The following SCAPER variants were observed in gnomAD, a reference collection of about 807,000 sequenced individuals.
SCAPER encodes the protein S phase cyclin A-associated protein in the endoplasmic reticulum.
In SCAPER, 98 loss-of-function variants were observed where a neutral mutation model predicts 182.2. The observed-to-expected ratio is 0.54, with a 90% CI of 0.46 to 0.64. The LOEUF (loss-of-function observed/expected upper bound fraction) is 0.64, where lower values mean the gene tolerates loss of function less well. Ranked by LOEUF, SCAPER falls within the 30% of genes least tolerant of loss-of-function variation. The pLI, the probability that SCAPER is intolerant of heterozygous loss-of-function variation, is 0.00. For missense variants in SCAPER, 1,432 were observed against 1,690.0 expected (o/e 0.85, Z 2.68); for synonymous variants, 605 against 564.6 (o/e 1.07, Z -1.01).
At chr15:76,565,821 AC>A (rs1168846086) in intron 23 of SCAPER, among the ~76,000 whole-genome samples, 1 of 152,124 alleles carries the variant, frequency 6.6e-6, no homozygotes, top group African/African-American at 2.4e-5. Context: ...TAGCTGAAAA[AC>A]GTCTGAAAAA....
At chr15:76,612,138 T>C (rs2051054244) in intron 22 of SCAPER, among the ~76,000 whole-genome samples, 1 of 152,260 alleles carries the variant, frequency 6.6e-6, no homozygotes, top group African/African-American at 2.4e-5. Context: ...CAAACAGGAA[T>C]AGAGGAGAAA....
At chr15:76,673,103 A>G (rs1354968950) in intron 20 of SCAPER, among the ~76,000 whole-genome samples, 2 of 152,176 alleles carry the variant, frequency 1.3e-5, no homozygotes, top group Admixed American at 1.3e-4. Flanking sequence ...AAGATTTTCT[A>G]TCTAGTAAAA....
At chr15:76,757,007 A>G (rs2062474918) in intron 14 of SCAPER, among the ~76,000 whole-genome samples, 1 of 9,838 alleles carries the variant, frequency 1.0e-4, no homozygotes, top group Non-Finnish European at 4.5e-4. Flanking sequence ...TGTAAATATA[A>G]TTAGTGCCCC....
rs561412995 is a variant in SCAPER, at chr15:76,712,175, C to A, written c.2166-6191G>T. ...ACATATGGCTAGACAGTTTTCCCAG[C>A]ACCTTTTATTAAATAGGGAATCCTT... On this transcript the variant is annotated intron_variant, in intron 17 of 31. Coordinates refer to ENST00000563290, the MANE Select transcript of SCAPER (RefSeq NM_020843.4). Among the ~76,000 whole-genome samples, 18 of 152,312 alleles carry A rather than the reference C, an allele frequency of 1.2e-4. No homozygotes were observed. The South Asian group carries it at 3.7e-3, about 32-fold the overall frequency.
At position 76,841,724 on chromosome 15, in the gene SCAPER, C is replaced by A. The variant is rs757722500; in HGVS notation, c.393+10G>T. The A allele has an allele frequency of 6.2e-7, 1 of 1,613,192 alleles. No individual in the cohort carries two copies. The highest frequency in any genetic ancestry group is 2.2e-5 in the East Asian group (1 of 44,858). ...TCAAATGGATTACAAGGCCTCAAAG[C>A]AAACCTTACCTTACATTCGACCACA... is the stretch of plus-strand genomic sequence containing the variant. On this transcript the variant is annotated intron_variant, in intron 5 of 31. Transcript: ENST00000563290.
chr15:76,373,620 C>A (rs1000124346), intron 29 of SCAPER, among the ~76,000 whole-genome samples: 1 of 152,160 alleles, frequency 6.6e-6, no homozygotes, highest in African/African-American at 2.4e-5. Flanking sequence ...AAGCTGCCAT[C>A]TACTCCCCTG....
intron 2 of SCAPER, among the ~76,000 whole-genome samples, chr15:76,863,041 A>C (rs1373700495): frequency 6.6e-6 from 1 of 152,152 alleles, no homozygotes; most frequent in African/African-American, 2.4e-5. Context: ...TTAACAGGTA[A>C]ATTTAAATTG....
At chr15:76,352,407 A>G (rs1354474885) in intron 30 of SCAPER, among the ~76,000 whole-genome samples, 1 of 151,928 alleles carries the variant, frequency 6.6e-6, no homozygotes, top group Non-Finnish European at 1.5e-5. Flanking sequence ...CTCAAAAATT[A>G]CCTGTTCAAT....
intron 10 of SCAPER, among the ~76,000 whole-genome samples, chr15:76,768,645 T>A (rs2063253531): frequency 2.0e-5 from 3 of 152,072 alleles, no homozygotes; most frequent in African/African-American, 7.2e-5. Flanking sequence ...TTCAAACAGA[T>A]GGATTGTATT....
Position 76,765,626 on chromosome 15 carries a change from T to A in SCAPER, c.1432A>T (p.Ser478Cys). 6.3e-7 allele frequency: 1 copy of A among 1,578,790 alleles called. No individual in the cohort carries two copies. The stretch of plus-strand genomic sequence containing the variant: ...ATACCACAGAAAGAAACACTCCCAC[T>A]GCCCATGCTGGCCTAAAATGTAATA... ...NDSDFSASMG[S>C]GSVSFCGMSM... is the part of the protein sequence containing the mutation. The change falls in exon 12 of 32, where the codon AGT becomes TGT. Residue 478 changes from serine (S) to cysteine (C), a missense_variant. Ser to Cys is a moderately radical substitution (Grantham distance 112). Transcript: ENST00000563290.
chr15:76,495,526 C>T (rs978189269), intron 24 of SCAPER, among the ~76,000 whole-genome samples: 23 of 134,968 alleles, frequency 1.7e-4, no homozygotes, highest in Non-Finnish European at 2.3e-4. Context: ...TGCAGTGAGC[C>T]GAGATTGTGC....
intron 2 of SCAPER, among the ~76,000 whole-genome samples, chr15:76,873,331 AAGGCAGGCAGGCAGGC>A (rs56176862): frequency 0.029 from 2,389 of 83,570 alleles, 65 homozygotes; most frequent in Admixed American, 0.048. Context: ...GGAAGGAAGG[AAGGCAGGCAGGCAGGC>A]AGGCAGGCAG....
intron 2 of SCAPER, among the ~76,000 whole-genome samples, chr15:76,875,975 G>A (rs910754492): frequency 5.9e-5 from 9 of 152,102 alleles, no homozygotes; most frequent in Admixed American, 2.0e-4. Context: ...GCCCTGCCCC[G>A]CTGGGAGGCA....
At chr15:76,482,312 G>A (rs1263019821) in intron 24 of SCAPER, among the ~76,000 whole-genome samples, 2 of 151,970 alleles carry the variant, frequency 1.3e-5, no homozygotes, top group Non-Finnish European at 1.5e-5. Context: ...AACATAATGG[G>A]TTCCCTGTCA....
At chr15:76,375,901 C>T (rs745528725) in intron 29 of SCAPER, among the ~76,000 whole-genome samples, 96 of 152,200 alleles carry the variant, frequency 6.3e-4, no homozygotes, top group Non-Finnish European at 7.9e-4. Flanking sequence ...ATGAGAATCG[C>T]TTGAACCTGG....
intron 8 of SCAPER, among the ~76,000 whole-genome samples, chr15:76,786,013 C>T (rs529897682): frequency 3.7e-4 from 56 of 152,108 alleles, no homozygotes; most frequent in African/African-American, 1.3e-3. Flanking sequence ...TACCCTAGAA[C>T]TAAAAGTATA....
At chr15:76,508,723 G>A (rs1806819126) in intron 23 of SCAPER, among the ~76,000 whole-genome samples, 1 of 151,992 alleles carries the variant, frequency 6.6e-6, no homozygotes, top group Non-Finnish European at 1.5e-5. Flanking sequence ...CTTATAATAG[G>A]GTGAAAGGCT....
intron 15 of SCAPER, among the ~76,000 whole-genome samples, chr15:76,733,897 G>A (rs2061076064): frequency 6.6e-6 from 1 of 152,048 alleles, no homozygotes; most frequent in African/African-American, 2.4e-5. Flanking sequence ...TAATAATCCA[G>A]TGTGTATAAA....
chr15:76,380,226 A>G (rs2042863003), intron 28 of SCAPER: 1 of 152,054 alleles, frequency 6.6e-6, no homozygotes, highest in Non-Finnish European at 1.5e-5. Flanking sequence ...TTTGGAGCAG[A>G]TATCTCTCAT....
Sources: gnomAD v4.1 joint callset for allele counts (sites outside exome capture counted in the v4.1 genomes callset) on GRCh38, gnomAD v4.1.1 for gene constraint, MANE v1.5 for transcripts, NCBI Gene and HGNC (gene_info 2026-07-23, HGNC 2026-07-21) for gene names.